The following NRXN1 variants were observed in gnomAD, a reference collection of about 807,000 sequenced individuals.
NRXN1 encodes neurexin 1, also known as neurexin-1.
NRXN1 carries 39 observed loss-of-function variants against 150.9 expected under a neutral mutation model. That is an observed-to-expected ratio of 0.26 (90% CI 0.20 to 0.34). The LOEUF (loss-of-function observed/expected upper bound fraction) is 0.34. NRXN1 is among the 10% of genes least tolerant of loss of function. The pLI is 1.00. For missense variants in NRXN1, 1,815 were observed against 1,949.9 expected, an observed-to-expected ratio of 0.93 and a Z score of 1.30; for synonymous variants, 924 against 757.0, an observed-to-expected ratio of 1.22 and a Z score of -3.62.
intron 21 of NRXN1, among the ~76,000 whole-genome samples, chr2:49,977,703 T>C (rs1679231689): frequency 6.6e-6 from 1 of 151,998 alleles, no homozygotes; most frequent in Non-Finnish European, 1.5e-5. Context: ...GTGGTAAAAG[T>C]GTGTTAGTAA....
intron 5 of NRXN1, among the ~76,000 whole-genome samples, chr2:50,785,239 TAC>T (rs1461880762): frequency 1.4e-5 from 2 of 143,086 alleles, no homozygotes; most frequent in Non-Finnish European, 3.1e-5. Flanking sequence ...TCTGAGAAAA[TAC>T]ACTTTTTTTT....
chr2:50,786,751 T>A (rs1705174946), intron 5 of NRXN1, among the ~76,000 whole-genome samples: 3 of 152,132 alleles, frequency 2.0e-5, no homozygotes, highest in Non-Finnish European at 1.5e-5. Context: ...GCTTTTAACA[T>A]CCAGATGCTA....
intron 21 of NRXN1, among the ~76,000 whole-genome samples, chr2:49,974,797 C>A (rs1573159523): frequency 6.8e-6 from 1 of 147,806 alleles, no homozygotes; most frequent in Non-Finnish European, 1.5e-5. Context: ...TCTTTAAAGA[C>A]AATTTAAGTC....
chr2:50,219,939 T>TATATTATATATATTAC (rs2063699110), intron 18 of NRXN1, among the ~76,000 whole-genome samples: 3 of 81,790 alleles, frequency 3.7e-5, no homozygotes, highest in Non-Finnish European at 6.4e-5. Flanking sequence ...ATATATATTA[T>TATATTATATATATTAC]ATATTATATA....
At chr2:50,739,475 G>T (rs746516199) in intron 5 of NRXN1, among the ~76,000 whole-genome samples, 1 of 151,978 alleles carries the variant, frequency 6.6e-6, no homozygotes, top group Non-Finnish European at 1.5e-5. Context: ...AATTTTATAC[G>T]TTTTAAACTG....
At chr2:50,896,179 T>A (rs1320563716) in intron 5 of NRXN1, among the ~76,000 whole-genome samples, 2 of 152,178 alleles carry the variant, frequency 1.3e-5, no homozygotes, top group African/African-American at 2.4e-5. Context: ...TTCTATTCTT[T>A]CATCTGGTCT....
chr2:50,249,965 A>G (rs1439821153), intron 17 of NRXN1, among the ~76,000 whole-genome samples: 1 of 152,046 alleles, frequency 6.6e-6, no homozygotes, highest in Non-Finnish European at 1.5e-5. Flanking sequence ...TTTCTCTTTC[A>G]TATTTCCATT....
chr2:50,920,746 G>C (rs1246637871), intron 5 of NRXN1, among the ~76,000 whole-genome samples: 2 of 151,752 alleles, frequency 1.3e-5, no homozygotes, highest in Non-Finnish European at 2.9e-5. Context: ...ATAGTTGCTA[G>C]AGGCTTAATA....
intron 17 of NRXN1, among the ~76,000 whole-genome samples, chr2:50,241,328 ATAAG>A: frequency 6.6e-6 from 1 of 151,930 alleles, no homozygotes; most frequent in African/African-American, 2.4e-5. Context: ...ATTTTACTAT[ATAAG>A]TGAGTTAAAT....
rs201329552 is a variant in NRXN1, at chr2:50,347,138, C to A, written c.3365-110168G>T. 7.2e-7 allele frequency: 1 copy of A among 1,383,144 alleles called. No individual in the cohort carries two copies. The highest frequency in any genetic ancestry group is 1.5e-5 in the African/African-American group (1 of 68,306). The allele number at this position is 1,383,144 out of a possible 1,614,324, so 85.7% of individuals were successfully genotyped here. On this transcript the variant is annotated intron_variant, in intron 17 of 22. Transcript: ENST00000401669. The surrounding 1 kb of genome is among the most constrained non-coding windows in gnomAD (Gnocchi z 4.9). ...GTCCTGGAGTCCGCCGTGCCTAGCA[C>A]CCCAAACAATCCGAAACATAGCCGA...
chr2:50,411,300 T>C (rs2083146992), intron 17 of NRXN1, among the ~76,000 whole-genome samples: 1 of 152,188 alleles, frequency 6.6e-6, no homozygotes, highest in South Asian at 2.1e-4. Flanking sequence ...GGTGCCGGGA[T>C]TGCAGACAGA....
At chr2:50,487,321 T>G (rs946088637) in intron 15 of NRXN1, among the ~76,000 whole-genome samples, 18 of 152,190 alleles carry the variant, frequency 1.2e-4, no homozygotes, top group African/African-American at 4.3e-4. Flanking sequence ...ATATGCTTCT[T>G]GTATTGTCCT....
chr2:50,126,644 C>A (rs1248906222), intron 18 of NRXN1, among the ~76,000 whole-genome samples: 1 of 151,998 alleles, frequency 6.6e-6, no homozygotes, highest in African/African-American at 2.4e-5. Flanking sequence ...AAATAGAGAA[C>A]AGTTTTCTTT....
At chr2:50,998,773 C>T (rs1699652204) in intron 2 of NRXN1, among the ~76,000 whole-genome samples, 1 of 151,988 alleles carries the variant, frequency 6.6e-6, no homozygotes, top group South Asian at 2.1e-4. Context: ...AATTTTGGTA[C>T]AACACATACA....
At chr2:50,862,475 T>C (rs921857945) in intron 5 of NRXN1, among the ~76,000 whole-genome samples, 1 of 152,152 alleles carries the variant, frequency 6.6e-6, no homozygotes, top group African/African-American at 2.4e-5. Flanking sequence ...CATGGATACA[T>C]TTCTTTCAGC....
intron 18 of NRXN1, among the ~76,000 whole-genome samples, chr2:50,119,950 G>GT (rs1472563006): frequency 2.0e-5 from 3 of 152,120 alleles, no homozygotes; most frequent in Non-Finnish European, 2.9e-5. Flanking sequence ...GTTAAGCCAT[G>GT]TTTTTGGTTC....
At chr2:50,852,490 T>C (rs571896736) in intron 5 of NRXN1, among the ~76,000 whole-genome samples, 3 of 152,312 alleles carry the variant, frequency 2.0e-5, no homozygotes, top group East Asian at 3.9e-4. Flanking sequence ...TGGAGGGTCA[T>C]ATTTCTGTCA....
At chr2:49,959,608 G>C (rs1675560951) in intron 21 of NRXN1, among the ~76,000 whole-genome samples, 1 of 152,216 alleles carries the variant, frequency 6.6e-6, no homozygotes. Flanking sequence ...GTACTATTTA[G>C]AGCTGGTAGA....
At chr2:49,945,445 G>C (rs1360543666) in intron 21 of NRXN1, among the ~76,000 whole-genome samples, 2 of 150,658 alleles carry the variant, frequency 1.3e-5, no homozygotes, top group African/African-American at 4.9e-5. Context: ...AGCATATGCA[G>C]GTTACATATG....
Sources: allele counts gnomAD v4.1 joint callset (sites outside exome capture counted in the v4.1 genomes callset), GRCh38; gene constraint gnomAD v4.1.1; non-coding constraint Gnocchi (gnomAD v3.1); transcripts MANE v1.5; gene names NCBI Gene and HGNC (gene_info 2026-07-23, HGNC 2026-07-21).